Variants in TMEM132D observed in about 807,000 individuals in gnomAD.
TMEM132D encodes mature OL transmembrane protein.
A neutral mutation model predicts 62.3 loss-of-function variants in TMEM132D; 21 were observed. The observed-to-expected ratio is 0.34, with a 90% CI of 0.24 to 0.49. The LOEUF (loss-of-function observed/expected upper bound fraction) is 0.49, where lower values mean the gene tolerates loss of function less well. Among genes scored for constraint, TMEM132D ranks in the 20% least tolerant of loss-of-function variants. The pLI is 0.99. For missense variants in TMEM132D, 1,346 were observed against 1,402.8 expected, an observed-to-expected ratio of 0.96 and a Z score of 0.65; for synonymous variants, 621 against 575.6, an observed-to-expected ratio of 1.08 and a Z score of -1.13.
At chr12:129,366,575 C>T (rs1256510685) in intron 3 of TMEM132D, among the ~76,000 whole-genome samples, 2 of 152,166 alleles carry the variant, frequency 1.3e-5, no homozygotes, top group East Asian at 3.8e-4. Context: ...GTATAAATTG[C>T]CCAGTTTCAG....
intron 1 of TMEM132D, among the ~76,000 whole-genome samples, chr12:129,725,923 T>C (rs1323395451): frequency 6.6e-6 from 1 of 152,180 alleles, no homozygotes; most frequent in Non-Finnish European, 1.5e-5. Context: ...CACAGGCTTT[T>C]TGCACAATAT....
chr12:129,359,357 T>C (rs1870176006), intron 3 of TMEM132D, among the ~76,000 whole-genome samples: 1 of 152,324 alleles, frequency 6.6e-6, no homozygotes, highest in East Asian at 1.9e-4. Flanking sequence ...ATTATGAATG[T>C]AATTAATTCC....
intron 3 of TMEM132D, among the ~76,000 whole-genome samples, chr12:129,519,078 C>T (rs1403863358): frequency 6.6e-6 from 1 of 152,112 alleles, no homozygotes; most frequent in Non-Finnish European, 1.5e-5. Context: ...ATACTTTTTC[C>T]CTTTAATTAT....
At chr12:129,691,552 G>A (rs910208188) in intron 2 of TMEM132D, among the ~76,000 whole-genome samples, 6 of 151,962 alleles carry the variant, frequency 3.9e-5, no homozygotes, top group African/African-American at 1.4e-4. Flanking sequence ...GAGATATATT[G>A]CACACCCTGG....
At chr12:129,740,300 A>T (rs1869561006) in intron 1 of TMEM132D, among the ~76,000 whole-genome samples, 1 of 152,226 alleles carries the variant, frequency 6.6e-6, no homozygotes, top group Non-Finnish European at 1.5e-5. Flanking sequence ...CAAGACTTGA[A>T]GATAGTCAGG....
intron 1 of TMEM132D, among the ~76,000 whole-genome samples, chr12:129,809,611 T>C (rs1319853035): frequency 1.3e-5 from 2 of 152,202 alleles, no homozygotes; most frequent in East Asian, 1.9e-4. Context: ...TTTTGTGAAT[T>C]TTCTGACCTT....
rs1881363865 is a variant in TMEM132D at position 129,700,604 on chromosome 12, G to T, written c.174C>A (p.Val58=). ...PVTYHINNAD[V]SFFLKEANQD... is the part of the protein sequence containing the mutation. ...GGTTGGCCTCCTTCAGGAAGAAGGAGACGTCCGCGTTGTTGATGTGGTAGG... is the reference window on the plus strand; with the variant it reads ...GGTTGGCCTCCTTCAGGAAGAAGGATACGTCCGCGTTGTTGATGTGGTAGG... The change falls in exon 2 of 9, where the codon GTC becomes GTA. Residue 58 remains valine (V), a synonymous_variant. Transcript: ENST00000422113. 1.9e-6 allele frequency: 3 copies of T among 1,614,040 alleles called. No individual in the cohort carries two copies. Among genetic ancestry groups the T allele is most frequent in the Non-Finnish European group, 2.5e-6 (3 of 1,180,012 alleles).
intron 1 of TMEM132D, among the ~76,000 whole-genome samples, chr12:129,885,593 A>G (rs1048596731): frequency 1.3e-5 from 2 of 152,234 alleles, no homozygotes; most frequent in Non-Finnish European, 2.9e-5. Context: ...TCGTGTAAAA[A>G]CAATGGTCTT....
At chr12:129,107,203 CAG>C (rs1259016855) in intron 5 of TMEM132D, among the ~76,000 whole-genome samples, 5 of 152,216 alleles carry the variant, frequency 3.3e-5, no homozygotes, top group East Asian at 1.9e-4. Context: ...GAAAAACAAA[CAG>C]AAAGTTTCTG....
intron 4 of TMEM132D, among the ~76,000 whole-genome samples, chr12:129,239,720 G>A (rs947966551): frequency 6.6e-6 from 1 of 152,178 alleles, no homozygotes; most frequent in Non-Finnish European, 1.5e-5. Flanking sequence ...GCAACCACTG[G>A]AGGTCAGGAA....
At chr12:129,490,434 T>C (rs1288587270) in intron 3 of TMEM132D, among the ~76,000 whole-genome samples, 7 of 128,282 alleles carry the variant, frequency 5.5e-5, no homozygotes, top group African/African-American at 2.1e-4. Flanking sequence ...TTTTTTTTTT[T>C]TTTTTTTTTT....
intron 4 of TMEM132D, among the ~76,000 whole-genome samples, chr12:129,325,772 T>G (rs1868888978): frequency 6.6e-6 from 1 of 152,214 alleles, no homozygotes; most frequent in Admixed American, 6.5e-5. Flanking sequence ...AACCTGAGAA[T>G]TAGTCACAAA....
intron 3 of TMEM132D, among the ~76,000 whole-genome samples, chr12:129,503,498 GA>G (rs919654455): frequency 1.3e-5 from 2 of 152,088 alleles, no homozygotes; most frequent in Non-Finnish European, 2.9e-5. Flanking sequence ...TCCAAGCAAA[GA>G]AAAAGCTTAT....
intron 3 of TMEM132D, among the ~76,000 whole-genome samples, chr12:129,390,147 A>G (rs1365769090): frequency 1.3e-5 from 2 of 152,198 alleles, no homozygotes; most frequent in African/African-American, 2.4e-5. Context: ...CCAGTTGCCA[A>G]TAGCTTTTCT....
intron 1 of TMEM132D, among the ~76,000 whole-genome samples, chr12:129,800,088 AAC>A: frequency 6.6e-6 from 1 of 152,216 alleles, no homozygotes; most frequent in Non-Finnish European, 1.5e-5. Flanking sequence ...CCTAGGGTCC[AAC>A]CCCAGCACAT....
chr12:129,590,665 G>A (rs563203758), intron 2 of TMEM132D, among the ~76,000 whole-genome samples: 14 of 152,302 alleles, frequency 9.2e-5, no homozygotes, highest in East Asian at 3.9e-4. Flanking sequence ...TGAGACAGCC[G>A]TCTGTTTTTC....
chr12:129,349,068 G>A (rs1306040676), intron 3 of TMEM132D, among the ~76,000 whole-genome samples: 2 of 152,212 alleles, frequency 1.3e-5, no homozygotes, highest in African/African-American at 4.8e-5. Context: ...GCTCTTCAGG[G>A]ACTTTGGTTT....
chr12:129,620,836 GGAAGGGAAAGCATTA>G (rs1433557880), intron 2 of TMEM132D, among the ~76,000 whole-genome samples: 5 of 152,172 alleles, frequency 3.3e-5, no homozygotes, highest in Non-Finnish European at 5.9e-5. Flanking sequence ...ATGAGGAAGA[GGAAGGGAAAGCATTA>G]GAAAAACTAG....
In TMEM132D at chr12:129,166,059, G is replaced by A. The variant is rs150181746; in HGVS notation, c.1443+43461C>T. Among the ~76,000 whole-genome samples, 413 of 152,312 alleles carry A rather than the reference G, an allele frequency of 2.7e-3. 1 individual carries two copies. The highest frequency in any genetic ancestry group is 9.6e-3 in the African/African-American group (398 of 41,576). On this transcript the variant is annotated intron_variant, in intron 5 of 8. Coordinates refer to ENST00000422113, the MANE Select transcript of TMEM132D (RefSeq NM_133448.3). ...GTGGGTGATGAAAGTCAGGTTCAGC[G>A]AGGTTACATAAGTTGCCCAGTTACA...
Sources: allele counts gnomAD v4.1 joint callset (sites outside exome capture counted in the v4.1 genomes callset), GRCh38; gene constraint gnomAD v4.1.1; transcripts MANE v1.5; gene names NCBI Gene and HGNC (gene_info 2026-07-23, HGNC 2026-07-21).